TMEM217: variants seen among roughly 807,000 people sequenced by gnomAD.
The protein encoded by TMEM217 is chromosome 6 open reading frame 128.
For missense variants in TMEM217, 204 were observed against 248.8 expected (o/e 0.82, Z 1.21); for synonymous variants, 76 against 88.3 (o/e 0.86, Z 0.78).
chr6:37,238,081 C>G (rs1310111842), intron 1 of TMEM217, among the ~76,000 whole-genome samples: 2 of 151,520 alleles, frequency 1.3e-5, no homozygotes, highest in South Asian at 2.1e-4. Flanking sequence ...CAAAAGAGAG[C>G]CATGCATGGA....
At chr6:37,229,325 G>C (rs1764036531) in intron 1 of TMEM217, among the ~76,000 whole-genome samples, 1 of 120,106 alleles carries the variant, frequency 8.3e-6, no homozygotes, top group African/African-American at 3.1e-5. Context: ...CGTCTCCCTA[G>C]CAACTTTCAG....
downstream of TMEM217, among the ~76,000 whole-genome samples, chr6:37,214,822 A>G (rs1763095265): frequency 6.6e-6 from 1 of 152,116 alleles, no homozygotes; most frequent in South Asian, 2.1e-4. Flanking sequence ...GCACCCTAGA[A>G]CCTGGAGGGC....
At chr6:37,232,795 C>G (rs1432205099) in intron 1 of TMEM217, among the ~76,000 whole-genome samples, 1 of 152,208 alleles carries the variant, frequency 6.6e-6, no homozygotes, top group African/African-American at 2.4e-5. Context: ...TTGACCACTC[C>G]TTATCTCTTC....
At chr6:37,244,235 T>C (rs1250012767) in intron 1 of TMEM217, among the ~76,000 whole-genome samples, 1 of 152,226 alleles carries the variant, frequency 6.6e-6, no homozygotes, top group Non-Finnish European at 1.5e-5. Flanking sequence ...GGCTTATGCA[T>C]AGGAATGAAC....
At chr6:37,213,646 T>A (rs1251538627), downstream of TMEM217, among the ~76,000 whole-genome samples, 1 of 152,204 alleles carries the variant, frequency 6.6e-6, no homozygotes, top group Non-Finnish European at 1.5e-5. Context: ...GACCTCCAGC[T>A]GCAACCTAGG....
At chr6:37,218,848 G>A (rs1372240818) in exon 2 of TMEM217, 1 of 1,614,204 alleles carries the variant, frequency 6.2e-7, no homozygotes, top group South Asian at 1.1e-5. Context: ...AACTCCAGCA[G>A]ATGATGAAGT....
At chr6:37,213,022 C>T (rs761414949), downstream of TMEM217, 72 of 1,475,230 alleles carry the variant, frequency 4.9e-5, no homozygotes, top group Middle Eastern at 1.7e-4. Context: ...CATACAGACA[C>T]GTGACAAGAT....
chr6:37,257,206 C>A (rs1467322840), intron 1 of TMEM217, among the ~76,000 whole-genome samples: 3 of 152,228 alleles, frequency 2.0e-5, no homozygotes, highest in South Asian at 4.2e-4. Flanking sequence ...ATTTTTAACC[C>A]ACAGCACAAG....
intron 1 of TMEM217, among the ~76,000 whole-genome samples, chr6:37,224,022 C>T (rs749886989): frequency 2.0e-4 from 30 of 150,578 alleles, no homozygotes; most frequent in South Asian, 4.2e-4. Flanking sequence ...CTGCAACCTC[C>T]GCCTCCTGGG....
chr6:37,247,706 A>G (rs946932723), intron 1 of TMEM217, among the ~76,000 whole-genome samples: 2 of 152,118 alleles, frequency 1.3e-5, no homozygotes, highest in African/African-American at 2.4e-5. Context: ...AACTACCACA[A>G]TGGACAACAG....
Position 37,225,017 on chromosome 6 carries a change from A to C in TMEM217, c.-11-5976T>G, listed in dbSNP as rs142704571. ...AACATGGCCCATCTCTATAAAAAAA[A>C]AAAAAAAAACACCACCACCAAAACC... is the stretch of plus-strand genomic sequence containing the variant. On this transcript the variant is annotated intron_variant, in intron 1 of 1. Coordinates refer to ENST00000357219, the Ensembl canonical transcript of TMEM217. Among the ~76,000 whole-genome samples the C allele has an allele frequency of 4.8e-3, 724 of 151,536 alleles. 2 individuals carry two copies. Among genetic ancestry groups the C allele is most frequent in the African/African-American group, 0.015 (609 of 41,356 alleles).
chr6:37,244,272 G>A (rs1354198277), intron 1 of TMEM217, among the ~76,000 whole-genome samples: 1 of 152,244 alleles, frequency 6.6e-6, no homozygotes, highest in African/African-American at 2.4e-5. Flanking sequence ...TTAGAAGCAA[G>A]AAGGAGTCAA....
intron 1 of TMEM217, among the ~76,000 whole-genome samples, chr6:37,220,607 T>C (rs1763452910): frequency 6.6e-6 from 1 of 152,184 alleles, no homozygotes; most frequent in African/African-American, 2.4e-5. Context: ...CTTTAAGTTA[T>C]AAATCTTGTT....
At chr6:37,241,634 C>T (rs747767297) in intron 1 of TMEM217, among the ~76,000 whole-genome samples, 1 of 152,156 alleles carries the variant, frequency 6.6e-6, no homozygotes, top group Non-Finnish European at 1.5e-5. Context: ...TCTGGGTCAT[C>T]CCTGGGAGCC....
At chr6:37,215,197 C>T, downstream of TMEM217, 2 of 1,613,634 alleles carry the variant, frequency 1.2e-6, no homozygotes, top group Non-Finnish European at 1.7e-6. Context: ...TCAATACTCA[C>T]TCAGCAGACA....
downstream of TMEM217, among the ~76,000 whole-genome samples, chr6:37,215,570 CAAA>C (rs34808595): frequency 4.1e-5 from 3 of 72,374 alleles, no homozygotes; most frequent in African/African-American, 6.0e-5. Context: ...GACTCTGTCT[CAAA>C]AAAAAAAAAA....
rs572821344 is a variant in TMEM217, at chr6:37,243,424, C to T, written c.-12+14144G>A. Among the ~76,000 whole-genome samples, 5 of 152,258 alleles carry T rather than the reference C, an allele frequency of 3.3e-5. No homozygotes were observed. The South Asian group carries it at 1.0e-3, about 32-fold the overall frequency. On this transcript the variant is annotated intron_variant, in intron 1 of 1. Transcript: ENST00000357219. ...GGTCATGTTCTCCCTGTCCTTCTTC[C>T]CAGTGTAATTGCCCAGTGGGTTCTT...
At chr6:37,219,248 G>A (rs1212402643) in intron 1 of TMEM217, among the ~76,000 whole-genome samples, 1 of 152,174 alleles carries the variant, frequency 6.6e-6, no homozygotes, top group Non-Finnish European at 1.5e-5. Flanking sequence ...TGGTGGCAAT[G>A]ACCAGATAAA....
exon 2 of TMEM217, chr6:37,217,652 C>G (rs1763285533): frequency 2.0e-6 from 2 of 985,228 alleles, no homozygotes; most frequent in South Asian, 4.7e-5. Context: ...TGAATTTTCT[C>G]TATTTTTATT....
Sources: allele counts gnomAD v4.1 joint callset (sites outside exome capture counted in the v4.1 genomes callset), GRCh38; gene constraint gnomAD v4.1.1; transcripts MANE v1.5; gene names NCBI Gene and HGNC (gene_info 2026-07-23, HGNC 2026-07-21).